Variants in SLC9C1 observed in about 807,000 individuals in gnomAD.
SLC9C1 encodes sodium/hydrogen exchanger 10.
A neutral mutation model predicts 140.9 loss-of-function variants in SLC9C1; 97 were observed. The ratio of observed to expected loss-of-function variants is 0.69; its 90% CI spans 0.58 to 0.82. The LOEUF is 0.82. Ranked by LOEUF, SLC9C1 falls within the 40% of genes least tolerant of loss-of-function variation. The pLI is 0.00. For synonymous variants in SLC9C1, 440 were observed against 442.6 expected, an observed-to-expected ratio of 0.99 and a Z score of 0.07; for missense variants, 1,340 against 1,389.3, an observed-to-expected ratio of 0.96 and a Z score of 0.56.
chr3:112,161,990 C>G (rs1189609688), intron 26 of SLC9C1, among the ~76,000 whole-genome samples: 1 of 152,056 alleles, frequency 6.6e-6, no homozygotes, highest in Non-Finnish European at 1.5e-5. Context: ...CTTCACGTCC[C>G]TTGTAAGTTG....
chr3:112,243,073 G>A (rs543885827), intron 11 of SLC9C1, among the ~76,000 whole-genome samples: 1 of 152,248 alleles, frequency 6.6e-6, no homozygotes, highest in South Asian at 2.1e-4. Context: ...GGTGAGAAAG[G>A]AGAATGTAAA....
chr3:112,193,193 T>G (rs2077700086), intron 20 of SLC9C1, among the ~76,000 whole-genome samples: 1 of 152,218 alleles, frequency 6.6e-6, no homozygotes, highest in Admixed American at 6.5e-5. Context: ...CTTGCCGGAC[T>G]GCCTCTCAAG....
In SLC9C1 at chr3:112,176,987, GTCTCTC is replaced by G. The variant is rs375135539; in HGVS notation, c.2919+2538_2919+2543del. 5.7e-3 allele frequency among the ~76,000 whole-genome samples: 788 copies of G among 138,728 alleles called. 10 individuals are homozygous for G. Among genetic ancestry groups the G allele is most frequent in the African/African-American group, 0.014 (500 of 36,246 alleles). The allele number at this position is 138,728 out of a possible 152,430, so 91.0% of individuals were successfully genotyped here. A position where few individuals can be genotyped will look rare whatever the true frequency, so the allele number is the denominator to read the frequency against. The stretch of plus-strand genomic sequence containing the variant: ...ATATCTTGACTTCTTGACTCCTGGT[GTCTCTC>G]TCTCTCTCTCTCTTTTTTTTTTTTT... On this transcript the variant is annotated intron_variant, in intron 23 of 28. Coordinates refer to ENST00000305815, the MANE Select transcript of SLC9C1 (RefSeq NM_183061.3).
At chr3:112,290,850 C>G (rs950068046) in intron 1 of SLC9C1, among the ~76,000 whole-genome samples, 1 of 124,740 alleles carries the variant, frequency 8.0e-6, no homozygotes, top group African/African-American at 3.0e-5. Flanking sequence ...GGCTTAAAGT[C>G]TGTTTTGTCT....
At chr3:112,242,451 CACTT>C (rs2079161935) in intron 11 of SLC9C1, among the ~76,000 whole-genome samples, 3 of 152,074 alleles carry the variant, frequency 2.0e-5, no homozygotes, top group Admixed American at 2.0e-4. Flanking sequence ...TGCATGTTCT[CACTT>C]ATTTGTGGGA....
Position 112,199,318 on chromosome 3 carries a change from T to C in SLC9C1, c.2523+3A>G, listed in dbSNP as rs2077843007. ...TACTTGCTTTGAAAATATTTTGCCT[T>C]ACCTTATTAATTCCAGCACCTTCAG... On this transcript the variant is annotated splice_donor_region_variant and intron_variant, in intron 20 of 28. Coordinates refer to ENST00000305815, the MANE Select transcript of SLC9C1 (RefSeq NM_183061.3). 1.3e-6 allele frequency: 2 copies of C among 1,558,378 alleles called. No homozygotes were observed. The highest frequency in any genetic ancestry group is 1.7e-6 in the Non-Finnish European group (2 of 1,156,808).
intron 15 of SLC9C1, 35 bp downstream of exon 15, chr3:112,217,407 T>C (rs575443839): frequency 6.5e-7 from 1 of 1,549,298 alleles, no homozygotes; most frequent in Admixed American, 2.2e-5. Flanking sequence ...CAAGTGAATA[T>C]AATAGCATTT....
intron 20 of SLC9C1, among the ~76,000 whole-genome samples, chr3:112,188,698 G>C (rs549110743): frequency 6.6e-6 from 1 of 152,266 alleles, no homozygotes; most frequent in South Asian, 2.1e-4. Flanking sequence ...ATGAACATAC[G>C]TGTGCATGTG....
At chr3:112,161,058 T>C (rs1260817328) in intron 26 of SLC9C1, among the ~76,000 whole-genome samples, 2 of 152,274 alleles carry the variant, frequency 1.3e-5, no homozygotes, top group African/African-American at 4.8e-5. Flanking sequence ...TTTGGCTGCA[T>C]AAATTTCTTC....
chr3:112,192,100 A>T (rs1276885817), intron 20 of SLC9C1, among the ~76,000 whole-genome samples: 1 of 151,698 alleles, frequency 6.6e-6, no homozygotes, highest in African/African-American at 2.4e-5. Flanking sequence ...CACGTAACAT[A>T]AAAATTTATT....
chr3:112,164,221 T>C (rs2075395150), intron 26 of SLC9C1, among the ~76,000 whole-genome samples: 1 of 151,650 alleles, frequency 6.6e-6, no homozygotes, highest in Non-Finnish European at 1.5e-5. Context: ...CTTGACTCTT[T>C]ATACAATTTG....
At chr3:112,231,553 CA>C in intron 12 of SLC9C1, 67 bp from the exon 13 acceptor site, 1 of 1,476,116 alleles carries the variant, frequency 6.8e-7, no homozygotes, top group Non-Finnish European at 9.1e-7. Flanking sequence ...GCAAAATCCA[CA>C]AGCAATTTTT....
At chr3:112,168,755 TG>T in intron 25 of SLC9C1, 121 bp downstream of exon 25, 3 of 922,526 alleles carry the variant, frequency 3.3e-6, no homozygotes, top group Non-Finnish European at 4.7e-6. Flanking sequence ...TATGGAGTGG[TG>T]GGAAAAGGGA....
chr3:112,290,072 T>C (rs937378515), intron 1 of SLC9C1, among the ~76,000 whole-genome samples: 1 of 152,202 alleles, frequency 6.6e-6, no homozygotes, highest in Non-Finnish European at 1.5e-5. Flanking sequence ...GGAAAGAACA[T>C]TTTGGTCAAT....
chr3:112,229,769 G>C (rs1236182748), intron 13 of SLC9C1, among the ~76,000 whole-genome samples: 1 of 152,028 alleles, frequency 6.6e-6, no homozygotes, highest in Non-Finnish European at 1.5e-5. Flanking sequence ...ACATTACTTA[G>C]ATAGAGAAAC....
Position 112,204,355 on chromosome 3 carries a change from C to T in SLC9C1, c.2035G>A (p.Glu679Lys), listed in dbSNP as rs2077986822. Reference sequence around the variant, plus strand: ...ATGCCAATTAATGTAATTGCTAACTCGAATATGTTCCAGGCATGTGAAAAA... The same window carrying T: ...ATGCCAATTAATGTAATTGCTAACTTGAATATGTTCCAGGCATGTGAAAAA... ...DFFSHAWNIFELAITLIGILH... is the reference protein window; with the variant it reads ...DFFSHAWNIFKLAITLIGILH... The change falls in exon 17 of 29, where the codon GAG (glutamate) becomes AAG (lysine). Residue 679 changes from glutamate (E) to lysine (K), a missense_variant. Glu to Lys is a moderately conservative substitution (Grantham distance 56). Coordinates refer to ENST00000305815, the MANE Select transcript of SLC9C1 (RefSeq NM_183061.3). The T allele has an allele frequency of 1.0e-5, 16 of 1,572,560 alleles. No homozygotes were observed. Among genetic ancestry groups the T allele is most frequent in the South Asian group, 2.5e-5 (2 of 81,564 alleles).
intron 28 of SLC9C1, among the ~76,000 whole-genome samples, chr3:112,145,975 G>A (rs1185459594): frequency 2.6e-5 from 4 of 152,184 alleles, no homozygotes; most frequent in East Asian, 1.9e-4. Flanking sequence ...TGAGGCCTCC[G>A]CAGCCACGTG....
intron 2 of SLC9C1, among the ~76,000 whole-genome samples, chr3:112,285,949 A>G (rs921660613): frequency 6.6e-6 from 1 of 152,004 alleles, no homozygotes; most frequent in African/African-American, 2.4e-5. Flanking sequence ...GTTGTTGTTG[A>G]GACGAGGTTT....
At chr3:112,152,547 C>T (rs2075016518) in intron 27 of SLC9C1, among the ~76,000 whole-genome samples, 1 of 151,954 alleles carries the variant, frequency 6.6e-6, no homozygotes, top group Non-Finnish European at 1.5e-5. Flanking sequence ...AGGCCTTCCT[C>T]TTTCACTAAT....
Sources: gnomAD v4.1 joint callset for allele counts (sites outside exome capture counted in the v4.1 genomes callset) on GRCh38, gnomAD v4.1.1 for gene constraint, MANE v1.5 for transcripts, NCBI Gene and HGNC (gene_info 2026-07-23, HGNC 2026-07-21) for gene names.